Variants in SMOC1 observed in about 807,000 individuals in gnomAD.
SMOC1 encodes the protein SPARC related modular calcium binding 1.
Under a neutral mutation model 56.3 loss-of-function variants are expected in SMOC1, and 22 were observed. That is an observed-to-expected ratio of 0.39 (90% confidence interval 0.28 to 0.56). The LOEUF (loss-of-function observed/expected upper bound fraction) is 0.56, where lower values mean the gene tolerates loss of function less well. Ranked by LOEUF, SMOC1 falls within the 20% of genes least tolerant of loss-of-function variation. The pLI is 0.61. For synonymous variants in SMOC1, 193 were observed against 215.0 expected (o/e 0.90, Z 0.89); for missense variants, 509 against 565.4 (o/e 0.90, Z 1.01).
At chr14:69,887,572 C>T (rs1476487988) in intron 1 of SMOC1, among the ~76,000 whole-genome samples, 1 of 152,146 alleles carries the variant, frequency 6.6e-6, no homozygotes, top group African/African-American at 2.4e-5. Flanking sequence ...ACAAAAAGTC[C>T]CAGAGTAAGG....
intron 10 of SMOC1, among the ~76,000 whole-genome samples, chr14:70,019,806 A>T (rs1220639721): frequency 6.6e-6 from 1 of 152,172 alleles, no homozygotes; most frequent in African/African-American, 2.4e-5. Context: ...CAGTTAACAG[A>T]GGCCTCTTGG....
intron 1 of SMOC1, among the ~76,000 whole-genome samples, chr14:69,887,494 T>A (rs973508381): frequency 6.6e-6 from 1 of 152,202 alleles, no homozygotes; most frequent in Non-Finnish European, 1.5e-5. Context: ...GAGCCCTGCA[T>A]AAACCAATGC....
At chr14:69,952,739 G>A (rs530116351) in intron 2 of SMOC1, among the ~76,000 whole-genome samples, 2 of 152,266 alleles carry the variant, frequency 1.3e-5, no homozygotes, top group East Asian at 1.9e-4. Flanking sequence ...CTGGCTTTTT[G>A]TCCTTCTTTT....
intron 3 of SMOC1, among the ~76,000 whole-genome samples, chr14:69,956,683 G>A (rs1262680589): frequency 2.6e-5 from 4 of 152,016 alleles, no homozygotes. Context: ...TGGCTTTAAT[G>A]GGCTTCATGT....
intron 10 of SMOC1, among the ~76,000 whole-genome samples, chr14:70,016,045 G>A (rs922349830): frequency 1.1e-4 from 17 of 152,190 alleles, no homozygotes; most frequent in Non-Finnish European, 1.5e-5. Flanking sequence ...GGTCCCACCT[G>A]CACTTCTGCC....
chr14:69,890,428 G>T (rs529477147), intron 1 of SMOC1, among the ~76,000 whole-genome samples: 17 of 152,356 alleles, frequency 1.1e-4, no homozygotes, highest in Middle Eastern at 6.8e-3. Context: ...CATGCTGTTG[G>T]TGGTGGTGAT....
chr14:69,898,936 A>G (rs1594791698), intron 1 of SMOC1, among the ~76,000 whole-genome samples: 1 of 152,092 alleles, frequency 6.6e-6, no homozygotes, highest in African/African-American at 2.4e-5. Flanking sequence ...TGGTGGTAAG[A>G]TGTGGGGGGA....
chr14:69,901,279 G>A (rs1884235309), intron 1 of SMOC1, among the ~76,000 whole-genome samples: 1 of 152,232 alleles, frequency 6.6e-6, no homozygotes, highest in Admixed American at 6.5e-5. Flanking sequence ...AGGGCCTGAA[G>A]CACAGCTCTA....
chr14:70,022,034 A>AT (rs1324528742), intron 10 of SMOC1, among the ~76,000 whole-genome samples: 17 of 152,110 alleles, frequency 1.1e-4, no homozygotes, highest in African/African-American at 3.9e-4. Flanking sequence ...GAGGATGTGA[A>AT]TGTGTGGGAC....
rs140279793 is a variant in SMOC1 at position 69,941,493 on chromosome 14, G to A, written c.100-10645G>A. 7.6e-4 allele frequency among the ~76,000 whole-genome samples: 116 copies of A among 152,272 alleles called. 1 individual carries two copies. In the East Asian group the frequency reaches 0.022, roughly 28 times the overall value. ...ACCCAGCCCCTTCGTTGGCCCAAAT[G>A]TGCCCCTTCTTTTCCATCCCCACTG... On this transcript the variant is annotated intron_variant, in intron 1 of 11. Coordinates refer to ENST00000361956, the MANE Select transcript of SMOC1 (RefSeq NM_001034852.3).
At chr14:69,983,451 T>C (rs1884252456) in intron 5 of SMOC1, among the ~76,000 whole-genome samples, 1 of 152,184 alleles carries the variant, frequency 6.6e-6, no homozygotes, top group Admixed American at 6.5e-5. Context: ...TCTTAGCCTT[T>C]TATGATGGAG....
At chr14:69,958,194 A>C (rs1883256437) in intron 3 of SMOC1, among the ~76,000 whole-genome samples, 1 of 152,174 alleles carries the variant, frequency 6.6e-6, no homozygotes, top group South Asian at 2.1e-4. Flanking sequence ...CCAGGAGTTC[A>C]AGGCTATATT....
At chr14:70,009,041 ACCC>A (rs1260317701) in intron 7 of SMOC1, among the ~76,000 whole-genome samples, 3 of 151,700 alleles carry the variant, frequency 2.0e-5, no homozygotes, top group African/African-American at 7.3e-5. Flanking sequence ...TGGAGGCAAA[ACCC>A]AAGTCTGATG....
chr14:69,908,454 C>T (rs1448919355), intron 1 of SMOC1, among the ~76,000 whole-genome samples: 2 of 152,152 alleles, frequency 1.3e-5, no homozygotes, highest in Non-Finnish European at 2.9e-5. Flanking sequence ...TGATGTTTCA[C>T]ACCCTTGGAT....
intron 3 of SMOC1, among the ~76,000 whole-genome samples, chr14:69,973,712 G>C (rs1026657600): frequency 6.6e-6 from 1 of 152,272 alleles, no homozygotes; most frequent in Non-Finnish European, 1.5e-5. Context: ...GATTTCTGTC[G>C]ATAGGTCCAT....
intron 10 of SMOC1, among the ~76,000 whole-genome samples, chr14:70,019,000 G>A (rs1885617787): frequency 6.6e-6 from 1 of 152,244 alleles, no homozygotes; most frequent in Non-Finnish European, 1.5e-5. Flanking sequence ...TAGGACAGCA[G>A]AACTGGGCCC....
At chr14:69,928,882 A>G (rs557316612) in intron 1 of SMOC1, among the ~76,000 whole-genome samples, 8 of 152,176 alleles carry the variant, frequency 5.3e-5, no homozygotes, top group Non-Finnish European at 5.9e-5. Flanking sequence ...CATAAATTTA[A>G]CAGTTGGGGT....
chr14:69,930,202 A>ACCCTTCCCACTCCCCTGACAGCC, intron 1 of SMOC1, among the ~76,000 whole-genome samples: 1 of 150,204 alleles, frequency 6.7e-6, no homozygotes, highest in African/African-American at 2.5e-5. Context: ...CCCTGACAGC[A>ACCCTTCCCACTCCCCTGACAGCC]CCCTTCTCAC....
intron 1 of SMOC1, among the ~76,000 whole-genome samples, chr14:69,925,847 G>A (rs68165911): frequency 0.13 from 20,321 of 152,098 alleles, 1,453 homozygotes; most frequent in Middle Eastern, 0.24. Flanking sequence ...TATCAGAATG[G>A]GCAGAGCAGG....
Sources: allele counts gnomAD v4.1 joint callset (sites outside exome capture counted in the v4.1 genomes callset), GRCh38; gene constraint gnomAD v4.1.1; transcripts MANE v1.5; gene names NCBI Gene and HGNC (gene_info 2026-07-23, HGNC 2026-07-21).